The following LUZP2 variants were observed in gnomAD, a reference collection of about 807,000 sequenced individuals.
LUZP2 encodes the protein leucine zipper protein 2.
A neutral mutation model predicts 51.6 loss-of-function variants in LUZP2; 52 were observed. The observed-to-expected ratio is 1.01, with a 90% CI of 0.81 to 1.27. The LOEUF is 1.27. LUZP2 is among the 50% of genes most tolerant of loss of function. The pLI is 0.00. For missense variants in LUZP2, 436 were observed against 395.4 expected (o/e 1.10, Z -0.87); for synonymous variants, 154 against 137.3 (o/e 1.12, Z -0.85).
At chr11:24,769,819 G>A (rs551355768) in intron 5 of LUZP2, among the ~76,000 whole-genome samples, 1 of 147,490 alleles carries the variant, frequency 6.8e-6, no homozygotes, top group African/African-American at 2.5e-5. Context: ...TTGAGACAGA[G>A]TCTCGCTCTG....
intron 5 of LUZP2, among the ~76,000 whole-genome samples, chr11:24,885,773 A>G (rs1852650490): frequency 6.6e-6 from 1 of 152,166 alleles, no homozygotes; most frequent in African/African-American, 2.4e-5. Flanking sequence ...GTGGATGCTG[A>G]GTGTCTATGG....
chr11:24,701,925 T>G (rs1857432701), intron 1 of LUZP2, among the ~76,000 whole-genome samples: 1 of 152,220 alleles, frequency 6.6e-6, no homozygotes. Flanking sequence ...TTTAATGTCT[T>G]GAACATTTAA....
At chr11:25,061,974 G>A (rs10767305) in intron 10 of LUZP2, among the ~76,000 whole-genome samples, 55,659 of 151,808 alleles carry the variant, frequency 0.37, 12,504 homozygotes, top group East Asian at 0.78. Context: ...TGTATTGCCC[G>A]ACATGCCAGC....
chr11:24,971,194 A>T (rs1378171725), intron 7 of LUZP2, among the ~76,000 whole-genome samples: 1 of 152,098 alleles, frequency 6.6e-6, no homozygotes, highest in Non-Finnish European at 1.5e-5. Context: ...TTCATGGAAG[A>T]CCATTTTTCC....
At chr11:25,013,586 C>T (rs1003043725) in intron 9 of LUZP2, among the ~76,000 whole-genome samples, 1 of 151,686 alleles carries the variant, frequency 6.6e-6, no homozygotes, top group East Asian at 1.9e-4. Context: ...TCTTTTTTCA[C>T]TTTTAGCTAT....
At chr11:24,514,487 T>C (rs1850403706) in intron 1 of LUZP2, among the ~76,000 whole-genome samples, 1 of 152,178 alleles carries the variant, frequency 6.6e-6, no homozygotes, top group Non-Finnish European at 1.5e-5. Flanking sequence ...TATTGTAGTA[T>C]TAAGGGAAAA....
chr11:24,599,061 G>A (rs1263379998), intron 1 of LUZP2, among the ~76,000 whole-genome samples: 1 of 152,110 alleles, frequency 6.6e-6, no homozygotes, highest in Non-Finnish European at 1.5e-5. Context: ...CCCTGGTGCT[G>A]TACTAATTGG....
At chr11:24,776,302 G>A (rs74741514) in intron 5 of LUZP2, among the ~76,000 whole-genome samples, 2,249 of 152,192 alleles carry the variant, frequency 0.015, 57 homozygotes, top group African/African-American at 0.051. Context: ...TTGGACTAAC[G>A]GAAAAATCCC....
chr11:24,589,320 C>T (rs1853181823), intron 1 of LUZP2, among the ~76,000 whole-genome samples: 1 of 152,124 alleles, frequency 6.6e-6, no homozygotes, highest in South Asian at 2.1e-4. Context: ...GTTCCTACCT[C>T]ACAAAGTGGC....
intron 7 of LUZP2, among the ~76,000 whole-genome samples, chr11:24,926,303 A>G (rs527789545): frequency 1.6e-5 from 2 of 121,260 alleles, no homozygotes; most frequent in African/African-American, 6.5e-5. Flanking sequence ...GTATATATAT[A>G]CGTGTGTATA....
chr11:24,976,712 A>T, intron 8 of LUZP2, 47 bp downstream of exon 8: 1 of 501,898 alleles, frequency 2.0e-6, no homozygotes, highest in Non-Finnish European at 3.1e-6. Context: ...TTAGCAAAAA[A>T]AAAAAAAAAA....
intron 5 of LUZP2, among the ~76,000 whole-genome samples, chr11:24,896,578 G>A (rs540359654): frequency 2.0e-4 from 30 of 152,160 alleles, no homozygotes; most frequent in African/African-American, 3.4e-4. Flanking sequence ...TCCTCACCCC[G>A]CCTCCCCCCA....
rs889272309 is a variant in LUZP2 at position 24,621,096 on chromosome 11, C to G, written c.63-108073C>G. ...TAATCTGATACTGGTGCTTTGTTCT[C>G]CCTCTAAATTTTATCATCCTTAGAG... On this transcript the variant is annotated intron_variant, in intron 1 of 11. Transcript: ENST00000336930. Among the ~76,000 whole-genome samples, 6 of 152,164 alleles carry G rather than the reference C, an allele frequency of 3.9e-5. 1 individual carries two copies. Among genetic ancestry groups the G allele is most frequent in the African/African-American group, 1.4e-4 (6 of 41,440 alleles).
At chr11:24,989,101 TAAAA>T (rs67413838) in intron 9 of LUZP2, among the ~76,000 whole-genome samples, 17 of 143,716 alleles carry the variant, frequency 1.2e-4, no homozygotes, top group East Asian at 2.0e-4. Flanking sequence ...CCTGTGCAGT[TAAAA>T]AAAAAAAAAA....
chr11:25,067,850 A>G (rs1859041714), intron 10 of LUZP2, among the ~76,000 whole-genome samples: 1 of 152,072 alleles, frequency 6.6e-6, no homozygotes, highest in African/African-American at 2.4e-5. Flanking sequence ...ATTCTACTAT[A>G]AAGACACATG....
intron 1 of LUZP2, among the ~76,000 whole-genome samples, chr11:24,647,906 C>T (rs191183814): frequency 2.8e-4 from 42 of 151,850 alleles, no homozygotes; most frequent in African/African-American, 8.7e-4. Context: ...ACCATCCCTA[C>T]GAACAATTAT....
intron 9 of LUZP2, among the ~76,000 whole-genome samples, chr11:25,043,632 A>G (rs1858150337): frequency 1.4e-5 from 2 of 142,594 alleles, no homozygotes; most frequent in African/African-American, 4.9e-5. Flanking sequence ...GTAATTTATA[A>G]TGTACTAGAG....
Position 24,788,180 on chromosome 11 carries a change from ATTTTTTTTTTT to A in LUZP2, c.396+24887_396+24897del, listed in dbSNP as rs61308017. Among the ~76,000 whole-genome samples, 6 of 83,402 alleles carry A rather than the reference ATTTTTTTTTTT, an allele frequency of 7.2e-5. No individual in the cohort carries two copies. The South Asian group carries it at 1.6e-3, about 22-fold the overall frequency. The allele number at this position is 83,402 out of a possible 152,430, so 54.7% of individuals were successfully genotyped here. On this transcript the variant is annotated intron_variant, in intron 5 of 11. Coordinates refer to ENST00000336930, the MANE Select transcript of LUZP2 (RefSeq NM_001009909.4). ...AGATGCCTATTTCTTTTTGTTTTTA[ATTTTTTTTTTT>A]TTTTTTTTTTTTTTCTGAGACTGAG...
chr11:24,891,410 A>G, intron 5 of LUZP2: 3 of 959,636 alleles, frequency 3.1e-6, no homozygotes, highest in African/African-American at 1.8e-5. Flanking sequence ...TCATTATATC[A>G]TTATGAAATT....
Sources: allele counts gnomAD v4.1 joint callset (sites outside exome capture counted in the v4.1 genomes callset), GRCh38; gene constraint gnomAD v4.1.1; transcripts MANE v1.5; gene names NCBI Gene and HGNC (gene_info 2026-07-23, HGNC 2026-07-21).